Variants in RNF144A observed in about 807,000 individuals in gnomAD.
RNF144A encodes E3 ubiquitin-protein ligase RNF144A.
In RNF144A, 11 loss-of-function variants were observed where a neutral mutation model predicts 38.7. That is an observed-to-expected ratio of 0.28 (90% CI 0.18 to 0.47). The LOEUF is 0.47. Ranked by LOEUF, RNF144A falls within the 20% of genes least tolerant of loss-of-function variation. RNF144A has a pLI of 0.99. For missense variants in RNF144A, 316 were observed against 377.2 expected, an observed-to-expected ratio of 0.84 and a Z score of 1.34; for synonymous variants, 149 against 143.9, an observed-to-expected ratio of 1.04 and a Z score of -0.25.
intron 2 of RNF144A, among the ~76,000 whole-genome samples, chr2:6,954,435 GT>G (rs1666875394): frequency 6.6e-6 from 1 of 152,158 alleles, no homozygotes; most frequent in African/African-American, 2.4e-5. Context: ...CCACTTACAG[GT>G]TTATAAGCTA....
At chr2:6,950,033 C>T (rs969501466) in intron 2 of RNF144A, among the ~76,000 whole-genome samples, 1 of 151,980 alleles carries the variant, frequency 6.6e-6, no homozygotes, top group Non-Finnish European at 1.5e-5. Flanking sequence ...AGGATTCTGC[C>T]ATATTACTGT....
At chr2:7,073,256 C>A (rs541837863), downstream of RNF144A, among the ~76,000 whole-genome samples, 1 of 152,192 alleles carries the variant, frequency 6.6e-6, no homozygotes, top group Non-Finnish European at 1.5e-5. Flanking sequence ...TCAGTCTCCT[C>A]CTCACCCCAC....
In RNF144A at chr2:6,941,640, T is replaced by C. The variant is rs1665987521; in HGVS notation, c.-12+493T>C. ...GTAGCCGGAAGCAAATTATATACTA[T>C]GCAACAAGGCCTAGATATTGTAGAG... On this transcript the variant is annotated intron_variant, in intron 2 of 8. Transcript: ENST00000320892. The surrounding 1 kb of genome is among the most constrained non-coding windows in gnomAD (Gnocchi z 6.5). 6.6e-6 allele frequency among the ~76,000 whole-genome samples: 1 copy of C among 152,244 alleles called. No homozygotes were observed. Among genetic ancestry groups the C allele is most frequent in the African/African-American group, 2.4e-5 (1 of 41,464 alleles).
intron 5 of RNF144A, among the ~76,000 whole-genome samples, chr2:7,015,108 T>C (rs978269442): frequency 1.3e-5 from 2 of 152,158 alleles, no homozygotes; most frequent in African/African-American, 2.4e-5. Context: ...GGCTAAACTC[T>C]TGGACTGGCC....
chr2:7,024,906 C>A (rs1671782395), intron 7 of RNF144A, among the ~76,000 whole-genome samples: 1 of 152,028 alleles, frequency 6.6e-6, no homozygotes, highest in African/African-American at 2.4e-5. Context: ...GGCTGGAAAT[C>A]CAAAATCAGG....
intron 2 of RNF144A, among the ~76,000 whole-genome samples, chr2:6,964,164 A>T (rs1363480714): frequency 6.6e-6 from 1 of 152,224 alleles, no homozygotes; most frequent in Non-Finnish European, 1.5e-5. Context: ...GAGCATGTTC[A>T]TGTCCTTTGC....
At chr2:7,013,601 C>A (rs1678296222) in intron 3 of RNF144A, among the ~76,000 whole-genome samples, 1 of 152,140 alleles carries the variant, frequency 6.6e-6, no homozygotes. Flanking sequence ...CTTATATAAG[C>A]TCTACATCTA....
At chr2:6,947,945 A>G (rs766071517) in intron 2 of RNF144A, among the ~76,000 whole-genome samples, 2 of 152,236 alleles carry the variant, frequency 1.3e-5, no homozygotes, top group Non-Finnish European at 2.9e-5. Flanking sequence ...ACGTGTGATC[A>G]ACATTCAGAT....
At chr2:7,011,839 C>T (rs1261983527) in intron 3 of RNF144A, among the ~76,000 whole-genome samples, 1 of 152,148 alleles carries the variant, frequency 6.6e-6, no homozygotes, top group African/African-American at 2.4e-5. Context: ...CAAGGTCAGG[C>T]GCTTGGAACG....
chr2:6,988,504 A>G (rs533110663), intron 2 of RNF144A, among the ~76,000 whole-genome samples: 7 of 152,192 alleles, frequency 4.6e-5, no homozygotes, highest in Non-Finnish European at 1.0e-4. Flanking sequence ...GATTTATTTG[A>G]TGCTCTTCTC....
chr2:6,922,431 C>T (rs1020460807), intron 1 of RNF144A, among the ~76,000 whole-genome samples: 1 of 152,142 alleles, frequency 6.6e-6, no homozygotes. Context: ...ACATCTCTTA[C>T]AACATTGTGT....
intron 2 of RNF144A, among the ~76,000 whole-genome samples, chr2:6,953,436 A>T (rs973974506): frequency 6.6e-6 from 1 of 152,198 alleles, no homozygotes; most frequent in Non-Finnish European, 1.5e-5. Flanking sequence ...TCTCAAAAAA[A>T]ATTTTCTTCT....
At chr2:6,987,039 A>T (rs1669006516) in intron 2 of RNF144A, among the ~76,000 whole-genome samples, 2 of 151,816 alleles carry the variant, frequency 1.3e-5, no homozygotes, top group Admixed American at 1.3e-4. Context: ...TCATTCCCGG[A>T]TGGGGGTCAG....
At chr2:7,002,240 T>C (rs772329630) in intron 3 of RNF144A, among the ~76,000 whole-genome samples, 1 of 152,180 alleles carries the variant, frequency 6.6e-6, no homozygotes, top group Non-Finnish European at 1.5e-5. Context: ...ACATAGCGGA[T>C]ATTTATTTAA....
At chr2:7,011,619 G>A (rs538991286) in intron 3 of RNF144A, among the ~76,000 whole-genome samples, 12 of 152,316 alleles carry the variant, frequency 7.9e-5, no homozygotes, top group Admixed American at 2.6e-4. Context: ...GACTTAGAAA[G>A]CATTTGTCTA....
chr2:6,985,473 G>A (rs1668892630), intron 2 of RNF144A, among the ~76,000 whole-genome samples: 1 of 152,070 alleles, frequency 6.6e-6, no homozygotes, highest in South Asian at 2.1e-4. Context: ...CTGATAATGA[G>A]TAAGTGGAAG....
At position 6,962,050 on chromosome 2, in the gene RNF144A, A is replaced by C. The variant is rs1572275856; in HGVS notation, c.-12+20903A>C. 2.0e-5 allele frequency among the ~76,000 whole-genome samples: 3 copies of C among 152,346 alleles called. No homozygotes were observed. In the South Asian group the frequency reaches 6.2e-4, roughly 32 times the overall value. ...AAGTTTAATAGGTGAAAGAAAGAGA[A>C]TAGCTCTCCGCTACAGAGAGCGGTC... On this transcript the variant is annotated intron_variant, in intron 2 of 8. Transcript: ENST00000320892. The surrounding 1 kb of genome is among the most constrained non-coding windows in gnomAD (Gnocchi z 4.1).
At chr2:7,074,243 C>G in the RNF144A span, among the ~76,000 whole-genome samples, 25 of 152,272 alleles carry the variant, frequency 1.6e-4, 1 homozygote, top group South Asian at 2.3e-3. Flanking sequence ...TCTCATAACA[C>G]TTACCACCAG....
intron 3 of RNF144A, among the ~76,000 whole-genome samples, chr2:7,003,800 GCCTT>G (rs995308017): frequency 6.6e-6 from 1 of 152,238 alleles, no homozygotes; most frequent in Admixed American, 6.5e-5. Context: ...GCCACTCTGG[GCCTT>G]CCTTGGGTTA....
Sources: allele counts gnomAD v4.1 joint callset (sites outside exome capture counted in the v4.1 genomes callset), GRCh38; gene constraint gnomAD v4.1.1; non-coding constraint Gnocchi (gnomAD v3.1); transcripts MANE v1.5; gene names NCBI Gene and HGNC (gene_info 2026-07-23, HGNC 2026-07-21).